STXBP6: variants seen among roughly 807,000 people sequenced by gnomAD.
STXBP6 encodes the protein syntaxin binding protein 6.
Under a neutral mutation model 26.9 loss-of-function variants are expected in STXBP6, and 21 were observed. The observed-to-expected ratio is 0.78, with a 90% confidence interval of 0.55 to 1.12. The LOEUF is 1.12. Among genes scored for constraint, STXBP6 ranks in the 50% most tolerant of loss-of-function variants. STXBP6 has a pLI of 0.00. For synonymous variants in STXBP6, 97 were observed against 92.6 expected (o/e 1.05, Z -0.27); for missense variants, 232 against 257.9 (o/e 0.90, Z 0.69).
Position 25,045,865 on chromosome 14 carries a change from C to G in STXBP6, c.-33+4013G>C, listed in dbSNP as rs576560213. On this transcript the variant is annotated intron_variant, in intron 1 of 5. Transcript: ENST00000323944. The stretch of plus-strand genomic sequence containing the variant: ...TCAGGTGATCCACCCGCCTCAGCCT[C>G]CCAAAGCGCTGGGATTACAGGTGTG... 4.1e-4 allele frequency among the ~76,000 whole-genome samples: 62 copies of G among 152,268 alleles called. 1 individual carries two copies. The highest frequency in any genetic ancestry group is 3.4e-3 in the Middle Eastern group (1 of 294).
At chr14:24,956,973 T>A (rs2140096783) in intron 2 of STXBP6, among the ~76,000 whole-genome samples, 1 of 152,236 alleles carries the variant, frequency 6.6e-6, no homozygotes, top group Non-Finnish European at 1.5e-5. Flanking sequence ...CGGAGTCACA[T>A]TTTGCATAAT....
chr14:24,916,390 C>T (rs376732580), intron 2 of STXBP6, among the ~76,000 whole-genome samples: 37 of 152,226 alleles, frequency 2.4e-4, no homozygotes, highest in Non-Finnish European at 4.9e-4. Context: ...TGAGAATATA[C>T]CAAAAGACCA....
intron 1 of STXBP6, among the ~76,000 whole-genome samples, chr14:25,001,053 G>A (rs2074748868): frequency 6.6e-6 from 1 of 152,104 alleles, no homozygotes; most frequent in Non-Finnish European, 1.5e-5. Flanking sequence ...TGAACCTTCA[G>A]AGGAAAAAGG....
chr14:24,919,770 AAGGTG>A (rs1469478669), intron 2 of STXBP6, among the ~76,000 whole-genome samples: 1 of 152,076 alleles, frequency 6.6e-6, no homozygotes, highest in East Asian at 1.9e-4. Flanking sequence ...GTAGTGGGAG[AAGGTG>A]AGTTGTGTGT....
intron 1 of STXBP6, among the ~76,000 whole-genome samples, chr14:25,039,476 C>A (rs1227240288): frequency 6.6e-6 from 1 of 152,130 alleles, no homozygotes; most frequent in Non-Finnish European, 1.5e-5. Flanking sequence ...GTATAAATTG[C>A]AGTTTCTTGG....
Position 25,047,297 on chromosome 14 carries a change from AC to A in STXBP6, c.-33+2580del, listed in dbSNP as rs2075742288. ...CAGTATGAAAAGAAGGGGGAATCCT[AC>A]CTCTTTGTAAAATACATCCATTTGA... On this transcript the variant is annotated intron_variant, in intron 1 of 5. Transcript: ENST00000323944. Among the ~76,000 whole-genome samples the A allele has an allele frequency of 5.9e-5, 9 of 152,330 alleles. No homozygotes were observed. The South Asian group carries it at 1.9e-3, about 32-fold the overall frequency.
intron 2 of STXBP6, among the ~76,000 whole-genome samples, chr14:24,873,530 T>G (rs898793491): frequency 1.3e-5 from 2 of 151,774 alleles, no homozygotes; most frequent in Non-Finnish European, 2.9e-5. Flanking sequence ...AAAGATGGAG[T>G]GGAAATGGCT....
At chr14:24,987,900 T>C in intron 1 of STXBP6, 1 of 985,324 alleles carries the variant, frequency 1.0e-6, no homozygotes, top group Non-Finnish European at 1.2e-6. Context: ...TCAATATCAC[T>C]GCATTGTCCT....
At chr14:25,033,562 C>A (rs928182801) in intron 1 of STXBP6, among the ~76,000 whole-genome samples, 15 of 152,110 alleles carry the variant, frequency 9.9e-5, no homozygotes, top group African/African-American at 3.6e-4. Flanking sequence ...TTGCTCATAC[C>A]AAGGTCCTTC....
chr14:24,865,589 T>C (rs1299024622), intron 2 of STXBP6, among the ~76,000 whole-genome samples: 1 of 152,130 alleles, frequency 6.6e-6, no homozygotes, highest in Non-Finnish European at 1.5e-5. Flanking sequence ...TCAAAATGAA[T>C]AGAGGATACA....
At chr14:24,852,108 T>C (rs1198252534) in intron 4 of STXBP6, among the ~76,000 whole-genome samples, 1 of 152,060 alleles carries the variant, frequency 6.6e-6, no homozygotes, top group African/African-American at 2.4e-5. Context: ...CAATCACAAA[T>C]CTTTGTTAGA....
chr14:25,017,129 A>AT (rs1272638041), intron 1 of STXBP6, among the ~76,000 whole-genome samples: 2 of 152,194 alleles, frequency 1.3e-5, no homozygotes, highest in African/African-American at 4.8e-5. Context: ...TGTAATAAGA[A>AT]TTTTTTATTC....
rs373583468 is a variant in STXBP6 at position 25,001,526 on chromosome 14, A to G, written c.-32-26676T>C. ...GAGGGTTGGAACTTTCAGCTCCACC[A>G]TTCTTCATTTCGGTAACTGTGGTTT... On this transcript the variant is annotated intron_variant, in intron 1 of 5. Coordinates refer to ENST00000323944, the MANE Select transcript of STXBP6 (RefSeq NM_001394410.1). Among the ~76,000 whole-genome samples the G allele has an allele frequency of 3.2e-4, 48 of 152,328 alleles. 1 individual carries two copies. Among genetic ancestry groups the G allele is most frequent in the African/African-American group, 1.1e-3 (47 of 41,580 alleles).
intron 5 of STXBP6, chr14:24,818,081 G>GCCAGTTATTTT: frequency 2.2e-6 from 1 of 456,688 alleles, no homozygotes; most frequent in Non-Finnish European, 4.4e-6. Flanking sequence ...TTCTGTTAAA[G>GCCAGTTATTTT]CCAGTTATTT....
intron 2 of STXBP6, among the ~76,000 whole-genome samples, chr14:24,936,853 A>G (rs1242137791): frequency 1.3e-5 from 2 of 152,250 alleles, no homozygotes; most frequent in African/African-American, 4.8e-5. Flanking sequence ...TGTTTATTTC[A>G]GCACTATTCA....
chr14:24,853,525 C>A (rs1412808633), intron 4 of STXBP6, among the ~76,000 whole-genome samples: 2 of 152,108 alleles, frequency 1.3e-5, no homozygotes, highest in Admixed American at 6.5e-5. Flanking sequence ...AAGCAATTAA[C>A]CTACACAATA....
At position 24,811,536 on chromosome 14, in the gene STXBP6, C is replaced by G. The variant is rs931514556; in HGVS notation, c.*1173G>C. ...TATTATCTTGAGTAATAGAAAATCA[C>G]GAGGTGTGTGACCAACTGTATTGAA... On this transcript the variant is annotated 3_prime_UTR_variant, in exon 6 of 6. Transcript: ENST00000323944. 1.3e-5 allele frequency: 2 copies of G among 152,048 alleles called. No individual in the cohort carries two copies. Among genetic ancestry groups the G allele is most frequent in the Non-Finnish European group, 2.9e-5 (2 of 68,006 alleles). 9.4% of individuals were successfully genotyped at this position (152,048 alleles called of 1,614,324 possible). A position where few individuals can be genotyped will look rare whatever the true frequency, so the allele number is the denominator to read the frequency against.
At chr14:24,847,373 T>G (rs557767598) in intron 4 of STXBP6, among the ~76,000 whole-genome samples, 2 of 152,272 alleles carry the variant, frequency 1.3e-5, no homozygotes, top group Non-Finnish European at 2.9e-5. Flanking sequence ...GTTTCTAACT[T>G]AAGAACAGCC....
intron 2 of STXBP6, among the ~76,000 whole-genome samples, chr14:24,965,640 G>A (rs1396841462): frequency 1.3e-5 from 2 of 152,092 alleles, no homozygotes; most frequent in Non-Finnish European, 1.5e-5. Flanking sequence ...ATTTAATGCA[G>A]GGATATAGAT....
Sources: gnomAD v4.1 joint callset for allele counts (sites outside exome capture counted in the v4.1 genomes callset) on GRCh38, gnomAD v4.1.1 for gene constraint, MANE v1.5 for transcripts, NCBI Gene and HGNC (gene_info 2026-07-23, HGNC 2026-07-21) for gene names.